Variants in ZFHX3 observed in about 807,000 individuals in gnomAD.
ZFHX3 encodes zinc finger homeobox protein 3.
Under a neutral mutation model 279.1 loss-of-function variants are expected in ZFHX3, and 42 were observed. The ratio of observed to expected loss-of-function variants is 0.15; its 90% CI spans 0.12 to 0.19. The LOEUF (loss-of-function observed/expected upper bound fraction) is 0.19. Among genes scored for constraint, ZFHX3 ranks in the 10% least tolerant of loss-of-function variants. The pLI is 1.00. For missense variants in ZFHX3, 4,981 were observed against 4,754.0 expected (o/e 1.05, Z -1.40); for synonymous variants, 2,293 against 1,957.8 (o/e 1.17, Z -4.52).
At chr16:73,326,911 C>A (rs1423729) in intron 3 of ZFHX3, among the ~76,000 whole-genome samples, 59,320 of 152,052 alleles carry the variant, frequency 0.39, 13,270 homozygotes, top group Non-Finnish European at 0.52. Flanking sequence ...CCAAACGCAT[C>A]AAAGTCCATA....
chr16:73,636,493 G>C (rs562236229), intron 2 of ZFHX3, among the ~76,000 whole-genome samples: 5 of 152,202 alleles, frequency 3.3e-5, no homozygotes, highest in Admixed American at 3.3e-4. Context: ...CAACATAATT[G>C]TCTACCTGAT....
At chr16:73,561,398 C>A (rs1178319421) in intron 2 of ZFHX3, among the ~76,000 whole-genome samples, 1 of 152,160 alleles carries the variant, frequency 6.6e-6, no homozygotes, top group East Asian at 1.9e-4. Flanking sequence ...AATGAAAGAA[C>A]CATTTCTAAG....
At chr16:72,803,499 G>C (rs967209324) in intron 7 of ZFHX3, among the ~76,000 whole-genome samples, 1 of 152,064 alleles carries the variant, frequency 6.6e-6, no homozygotes, top group Non-Finnish European at 1.5e-5. Context: ...CAAATAACTG[G>C]TCCTACCACC....
intron 7 of ZFHX3, among the ~76,000 whole-genome samples, chr16:73,124,680 T>A (rs1966540826): frequency 1.3e-5 from 2 of 152,190 alleles, no homozygotes; most frequent in Non-Finnish European, 2.9e-5. Flanking sequence ...ATAAAGGGAC[T>A]ATTACATCTA....
At chr16:73,246,857 TAGA>T (rs974675149) in intron 5 of ZFHX3, among the ~76,000 whole-genome samples, 1 of 152,246 alleles carries the variant, frequency 6.6e-6, no homozygotes, top group Admixed American at 6.5e-5. Context: ...CTGAGGGTTG[TAGA>T]AGTTTTGTAA....
intron 2 of ZFHX3, among the ~76,000 whole-genome samples, chr16:73,567,093 C>A (rs2143799631): frequency 6.6e-6 from 1 of 152,294 alleles, no homozygotes; most frequent in South Asian, 2.1e-4. Context: ...AGACGATCCT[C>A]CCACCTCAGC....
chr16:73,105,696 T>A (rs1417762394), intron 7 of ZFHX3, among the ~76,000 whole-genome samples: 1 of 152,098 alleles, frequency 6.6e-6, no homozygotes, highest in Admixed American at 6.6e-5. Flanking sequence ...GAGGTTGCAA[T>A]GGGCTGAGAT....
At chr16:73,616,838 T>A (rs546396723) in intron 2 of ZFHX3, among the ~76,000 whole-genome samples, 3 of 152,212 alleles carry the variant, frequency 2.0e-5, no homozygotes, top group East Asian at 1.9e-4. Context: ...CGTACATTCC[T>A]CCTTCTAAAG....
At chr16:73,073,179 G>C (rs1412464371) in intron 8 of ZFHX3, among the ~76,000 whole-genome samples, 1 of 152,166 alleles carries the variant, frequency 6.6e-6, no homozygotes, top group Non-Finnish European at 1.5e-5. Context: ...TTACAGGCGT[G>C]AGCTACCGTG....
chr16:73,552,931 C>A (rs374348363), intron 2 of ZFHX3, among the ~76,000 whole-genome samples: 11 of 152,274 alleles, frequency 7.2e-5, no homozygotes, highest in East Asian at 5.8e-4. Flanking sequence ...CCTAAGTTTC[C>A]TTCTCGGGAT....
intron 2 of ZFHX3, among the ~76,000 whole-genome samples, chr16:73,513,573 A>G (rs2019469609): frequency 6.6e-6 from 1 of 152,162 alleles, no homozygotes; most frequent in African/African-American, 2.4e-5. Flanking sequence ...AGCCCACAAG[A>G]TAATGGTGAT....
At chr16:72,872,557 A>C (rs1343463156) in intron 4 of ZFHX3, among the ~76,000 whole-genome samples, 1 of 152,156 alleles carries the variant, frequency 6.6e-6, no homozygotes, top group Non-Finnish European at 1.5e-5. Context: ...TCCCGGGTTC[A>C]AGCAATTCTC....
chr16:73,637,781 A>G (rs1166401032), intron 2 of ZFHX3, among the ~76,000 whole-genome samples: 5 of 152,238 alleles, frequency 3.3e-5, no homozygotes, highest in Non-Finnish European at 2.9e-5. Flanking sequence ...TGCATATTGC[A>G]TAAAAGACAA....
intron 4 of ZFHX3, among the ~76,000 whole-genome samples, chr16:73,312,084 C>T (rs193095545): frequency 6.6e-6 from 1 of 152,270 alleles, no homozygotes; most frequent in African/African-American, 2.4e-5. Flanking sequence ...CTGTTGAAAA[C>T]CTGGAGTAGG....
At position 73,201,712 on chromosome 16, in the gene ZFHX3, T is replaced by C. The variant is rs533129405; in HGVS notation, c.-1104+55335A>G. Among the ~76,000 whole-genome samples the C allele has an allele frequency of 5.4e-4, 83 of 152,324 alleles. 2 individuals are homozygous for C. Among genetic ancestry groups the C allele is most frequent in the African/African-American group, 1.9e-3 (81 of 41,586 alleles). ...AGAGAAGCTGAAAAATCCTTAAAAATAATAATGAAGATGAAGATTCACTAT... is the reference window on the plus strand; with the variant it reads ...AGAGAAGCTGAAAAATCCTTAAAAACAATAATGAAGATGAAGATTCACTAT... On this transcript the variant is annotated intron_variant, in intron 5 of 17. Transcript: ENST00000641206.
intron 5 of ZFHX3, among the ~76,000 whole-genome samples, chr16:73,228,379 A>G (rs886303263): frequency 6.6e-6 from 1 of 152,178 alleles, no homozygotes. Context: ...AAAAGAAACC[A>G]AGGCCAGGCA....
At chr16:73,716,973 T>G (rs1157388816) in intron 1 of ZFHX3, among the ~76,000 whole-genome samples, 2 of 152,078 alleles carry the variant, frequency 1.3e-5, no homozygotes, top group Non-Finnish European at 2.9e-5. Flanking sequence ...TAAAATTATT[T>G]TCACCTTGCC....
At chr16:73,480,791 T>C (rs1393782332) in intron 2 of ZFHX3, among the ~76,000 whole-genome samples, 2 of 151,884 alleles carry the variant, frequency 1.3e-5, no homozygotes, top group East Asian at 1.9e-4. Context: ...CTTGTTCCAT[T>C]TTTGGTTTAT....
intron 1 of ZFHX3, among the ~76,000 whole-genome samples, chr16:73,836,989 G>A (rs1395554372): frequency 2.0e-4 from 31 of 152,212 alleles, no homozygotes; most frequent in Admixed American, 2.0e-3. Context: ...ACCAGAAGCT[G>A]AGCAGATGCT....
Sources: gnomAD v4.1 joint callset for allele counts (sites outside exome capture counted in the v4.1 genomes callset) on GRCh38, gnomAD v4.1.1 for gene constraint, MANE v1.5 for transcripts, NCBI Gene and HGNC (gene_info 2026-07-23, HGNC 2026-07-21) for gene names.